The following SBK1 variants were observed in gnomAD, a reference collection of about 807,000 sequenced individuals.
SBK1 encodes SH3 domain binding kinase 1, also known as serine/threonine-protein kinase SBK1.
A neutral mutation model predicts 24.4 loss-of-function variants in SBK1; 11 were observed. That is an observed-to-expected ratio of 0.45 (90% confidence interval 0.28 to 0.75). The LOEUF is 0.75. Among genes scored for constraint, SBK1 ranks in the 30% least tolerant of loss-of-function variants. The pLI is 0.12. For synonymous variants in SBK1, 308 were observed against 284.4 expected, an observed-to-expected ratio of 1.08 and a Z score of -0.83; for missense variants, 467 against 620.5, an observed-to-expected ratio of 0.75 and a Z score of 2.63.
chr16:28,321,649 C>T lies in SBK1; in HGVS notation c.*728C>T, dbSNP rs1228079958. The T allele has an allele frequency of 6.5e-6, 1 of 152,918 alleles. No homozygotes were observed. Among genetic ancestry groups the T allele is most frequent in the African/African-American group, 2.4e-5 (1 of 41,404 alleles). The allele number at this position is 152,918 out of a possible 1,614,324, so 9.5% of individuals were successfully genotyped here. The stretch of plus-strand genomic sequence containing the variant: ...CCCCATTGCACAAATGAAATCACAG[C>T]CCAGGAGGGAGGGTAGCTTGGCACT... On this transcript the variant is annotated 3_prime_UTR_variant, in exon 4 of 4. Coordinates refer to ENST00000341901, the MANE Select transcript of SBK1 (RefSeq NM_001024401.3).
rs1567680340 is a variant in SBK1 at position 28,317,045 on chromosome 16, T to TGG, written c.-7-338_-7-337dup. Among the ~76,000 whole-genome samples the TGG allele has an allele frequency of 6.6e-6, 1 of 152,194 alleles. No individual in the cohort carries two copies. The highest frequency in any genetic ancestry group is 6.5e-5 in the Admixed American group (1 of 15,268). On this transcript the variant is annotated intron_variant, in intron 1 of 3. Transcript: ENST00000341901. The surrounding 1 kb of genome is among the most constrained non-coding windows in gnomAD (Gnocchi z 4.2). ...TCCAAATAAAACCAACGCTTCTGAA[T>TGG]GGGAGTACCCGTGTGAACTCGGTAT...
At chr16:28,287,588 TAG>T, upstream of SBK1, among the ~76,000 whole-genome samples, 1 of 152,330 alleles carries the variant, frequency 6.6e-6, no homozygotes, top group Non-Finnish European at 1.5e-5. Context: ...GGCTTATCCC[TAG>T]GCGTCAGGGA....
chr16:28,312,350 T>C (rs981638580), intron 1 of SBK1, among the ~76,000 whole-genome samples: 1 of 152,116 alleles, frequency 6.6e-6, no homozygotes, highest in Non-Finnish European at 1.5e-5. Flanking sequence ...ACCCCGTTGG[T>C]GGGTGGACAT....
intron 1 of SBK1, among the ~76,000 whole-genome samples, chr16:28,304,066 C>T (rs1042005236): frequency 1.3e-5 from 2 of 152,190 alleles, no homozygotes; most frequent in African/African-American, 4.8e-5. Flanking sequence ...TATTTCTAGA[C>T]TTTATCATAC....
intron 1 of SBK1, among the ~76,000 whole-genome samples, chr16:28,298,032 T>C (rs2044652827): frequency 6.6e-6 from 1 of 152,170 alleles, no homozygotes; most frequent in Admixed American, 6.5e-5. Context: ...TGCTGCCTTC[T>C]GCTGGAGAGT....
At chr16:28,269,418 A>G (rs1437252887) in intron 1 of SBK1, among the ~76,000 whole-genome samples, 1 of 152,078 alleles carries the variant, frequency 6.6e-6, no homozygotes, top group African/African-American at 2.4e-5. Context: ...GGGTATGAAG[A>G]TTAGAGGATC....
At chr16:28,270,107 G>T (rs544189760) in intron 1 of SBK1, among the ~76,000 whole-genome samples, 1 of 151,724 alleles carries the variant, frequency 6.6e-6, no homozygotes, top group Non-Finnish European at 1.5e-5. Flanking sequence ...GTGCTCTGTC[G>T]CCAGGCTGGA....
At chr16:28,304,830 G>A (rs931332082) in intron 1 of SBK1, among the ~76,000 whole-genome samples, 19 of 151,848 alleles carry the variant, frequency 1.3e-4, no homozygotes, top group Admixed American at 1.1e-3. Flanking sequence ...GGATGGTCTC[G>A]ATCTCCTGAC....
chr16:28,262,160 G>A (rs1367390778), intron 1 of SBK1, among the ~76,000 whole-genome samples: 2 of 152,224 alleles, frequency 1.3e-5, no homozygotes, highest in Admixed American at 6.5e-5. Flanking sequence ...GCTGCTGGAG[G>A]AGGGGCAGTG....
chr16:28,312,435 G>A (rs2044760337), intron 1 of SBK1, among the ~76,000 whole-genome samples: 1 of 152,210 alleles, frequency 6.6e-6, no homozygotes, highest in Non-Finnish European at 1.5e-5. Context: ...GTCGCCCCAT[G>A]TAAGCCCAGC....
intron 1 of SBK1, among the ~76,000 whole-genome samples, chr16:28,273,016 C>T (rs1252704127): frequency 6.6e-6 from 1 of 152,070 alleles, no homozygotes; most frequent in Non-Finnish European, 1.5e-5. Flanking sequence ...GTTATTTCTA[C>T]ATTTGGCTAT....
chr16:28,302,401 G>A (rs1262512637), intron 1 of SBK1, among the ~76,000 whole-genome samples: 2 of 152,234 alleles, frequency 1.3e-5, no homozygotes, highest in African/African-American at 2.4e-5. Flanking sequence ...GTGTTACAAG[G>A]CAGAGAGCCA....
chr16:28,321,643 TCAC>T lies in SBK1; in HGVS notation c.*723_*725del, dbSNP rs1273750152. On this transcript the variant is annotated 3_prime_UTR_variant, in exon 4 of 4. Transcript: ENST00000341901. ...GCACACCCCCATTGCACAAATGAAA[TCAC>T]AGCCCAGGAGGGAGGGTAGCTTGGC... 2.0e-5 allele frequency: 3 copies of T among 152,630 alleles called. No individual in the cohort carries two copies. The highest frequency in any genetic ancestry group is 4.4e-5 in the Non-Finnish European group (3 of 68,078). 9.5% of individuals were successfully genotyped at this position (152,630 alleles called of 1,614,324 possible).
rs55860114 is a variant in SBK1, at chr16:28,321,182, A to AACACACACACACACACACACAC, written c.*296_*317dup. 6 of 188,688 alleles carry AACACACACACACACACACACAC rather than the reference A, an allele frequency of 3.2e-5. No homozygotes were observed. Among genetic ancestry groups the AACACACACACACACACACACAC allele is most frequent in the East Asian group, 1.8e-4 (1 of 5,630 alleles). The allele number at this position is 188,688 out of a possible 1,614,324, so 11.7% of individuals were successfully genotyped here. A position where few individuals can be genotyped will look rare whatever the true frequency, so the allele number is the denominator to read the frequency against. The stretch of plus-strand genomic sequence containing the variant: ...CCCGAGAATTCGGAGGCCACCACAC[A>AACACACACACACACACACACAC]ACACACACACACACACACACACACA... On this transcript the variant is annotated 3_prime_UTR_variant, in exon 4 of 4. Transcript: ENST00000341901.
At chr16:28,261,335 C>T (rs1424664098) in intron 1 of SBK1, among the ~76,000 whole-genome samples, 2 of 151,962 alleles carry the variant, frequency 1.3e-5, no homozygotes, top group African/African-American at 4.8e-5. Flanking sequence ...TGGTTCACAC[C>T]TGTAACCCCA....
intron 1 of SBK1, among the ~76,000 whole-genome samples, chr16:28,270,923 G>T (rs1472408619): frequency 6.6e-6 from 1 of 151,904 alleles, no homozygotes; most frequent in East Asian, 1.9e-4. Context: ...GAGTGCAACA[G>T]CGTGCTCTCC....
At position 28,321,676 on chromosome 16, in the gene SBK1, G is replaced by T. The variant is rs1054145307; in HGVS notation, c.*755G>T. 5 of 152,804 alleles carry T rather than the reference G, an allele frequency of 3.3e-5. No individual in the cohort carries two copies. Among genetic ancestry groups the T allele is most frequent in the Admixed American group, 2.6e-4 (4 of 15,272 alleles). 9.5% of individuals were successfully genotyped at this position (152,804 alleles called of 1,614,324 possible). A position where few individuals can be genotyped will look rare whatever the true frequency, so the allele number is the denominator to read the frequency against. ...CAGGAGGGAGGGTAGCTTGGCACTGGCTGAGAAATAGAGCTCTCTCCCCGC... is the reference window on the plus strand; with the variant it reads ...CAGGAGGGAGGGTAGCTTGGCACTGTCTGAGAAATAGAGCTCTCTCCCCGC... On this transcript the variant is annotated 3_prime_UTR_variant, in exon 4 of 4. Coordinates refer to ENST00000341901, the MANE Select transcript of SBK1 (RefSeq NM_001024401.3).
chr16:28,283,167 G>A (rs1268972704), intron 1 of SBK1, among the ~76,000 whole-genome samples: 2 of 152,006 alleles, frequency 1.3e-5, no homozygotes, highest in Non-Finnish European at 2.9e-5. Flanking sequence ...TCTAGACCTC[G>A]TGATCCACCC....
intron 1 of SBK1, among the ~76,000 whole-genome samples, chr16:28,261,705 A>G (rs1242318538): frequency 6.6e-6 from 1 of 152,224 alleles, no homozygotes; most frequent in African/African-American, 2.4e-5. Flanking sequence ...CAGACCCTGC[A>G]TCGGAGATTT....
Sources: allele counts gnomAD v4.1 joint callset (sites outside exome capture counted in the v4.1 genomes callset), GRCh38; gene constraint gnomAD v4.1.1; non-coding constraint Gnocchi (gnomAD v3.1); transcripts MANE v1.5; gene names NCBI Gene and HGNC (gene_info 2026-07-23, HGNC 2026-07-21).